Variants in KIFAP3 observed in about 807,000 individuals in gnomAD.
KIFAP3 encodes the protein kinesin-associated protein 3.
KIFAP3 carries 68 observed loss-of-function variants against 106.5 expected under a neutral mutation model. That is an observed-to-expected ratio of 0.64 (90% CI 0.53 to 0.78). KIFAP3 has a LOEUF of 0.78. KIFAP3 is among the 30% of genes least tolerant of loss of function. The pLI is 0.00. For missense variants in KIFAP3, 780 were observed against 941.8 expected (o/e 0.83, Z 2.25); for synonymous variants, 320 against 311.5 (o/e 1.03, Z -0.29).
intron 2 of KIFAP3, among the ~76,000 whole-genome samples, chr1:170,048,655 A>G (rs1054700211): frequency 9.3e-5 from 14 of 151,334 alleles, no homozygotes; most frequent in African/African-American, 3.2e-4. Flanking sequence ...TCTCACTGGG[A>G]CTGGTTAGGC....
chr1:169,983,992 G>A (rs1026765387), intron 12 of KIFAP3, among the ~76,000 whole-genome samples: 1 of 151,606 alleles, frequency 6.6e-6, no homozygotes, highest in Non-Finnish European at 1.5e-5. Flanking sequence ...ATTATTTCAA[G>A]ATATTACTAA....
intron 17 of KIFAP3, among the ~76,000 whole-genome samples, chr1:169,972,118 T>A (rs1288857543): frequency 1.3e-5 from 2 of 151,872 alleles, no homozygotes; most frequent in African/African-American, 4.8e-5. Flanking sequence ...AATAAAACTA[T>A]CAATTAAGTG....
At chr1:170,018,747 T>TG (rs1210064511) in intron 9 of KIFAP3, among the ~76,000 whole-genome samples, 3 of 152,096 alleles carry the variant, frequency 2.0e-5, no homozygotes, top group Admixed American at 6.6e-5. Flanking sequence ...ACTGAGCCCT[T>TG]GATATACTTT....
At chr1:170,049,001 C>T (rs1169354424) in intron 2 of KIFAP3, among the ~76,000 whole-genome samples, 4 of 152,172 alleles carry the variant, frequency 2.6e-5, no homozygotes, top group Non-Finnish European at 4.4e-5. Context: ...GGAAAGGGGG[C>T]GGAAGCCAAG....
At chr1:169,973,143 A>G (rs971789576) in intron 16 of KIFAP3, among the ~76,000 whole-genome samples, 1 of 144,172 alleles carries the variant, frequency 6.9e-6, no homozygotes, top group African/African-American at 2.6e-5. Flanking sequence ...AATCAGGATT[A>G]GAAAACCAAG....
chr1:170,024,307 C>A, intron 9 of KIFAP3, 111 bp downstream of exon 9: 1 of 619,602 alleles, frequency 1.6e-6, no homozygotes, highest in Non-Finnish European at 2.7e-6. Context: ...ATTATAAAAT[C>A]TTTATTCAGA....
chr1:170,048,847 C>G (rs1187791968), intron 2 of KIFAP3, among the ~76,000 whole-genome samples: 1 of 152,114 alleles, frequency 6.6e-6, no homozygotes, highest in Non-Finnish European at 1.5e-5. Flanking sequence ...TCAGGAGAAT[C>G]CTTGGTGAGC....
chr1:169,943,191 C>T (rs545482450), intron 19 of KIFAP3, among the ~76,000 whole-genome samples: 1 of 152,066 alleles, frequency 6.6e-6, no homozygotes, highest in South Asian at 2.1e-4. Context: ...TGTAATAGCA[C>T]ATCTGTAAAG....
At chr1:170,056,177 G>A (rs904029605) in intron 1 of KIFAP3, among the ~76,000 whole-genome samples, 1 of 151,572 alleles carries the variant, frequency 6.6e-6, no homozygotes, top group African/African-American at 2.4e-5. Flanking sequence ...CGAAGAAATT[G>A]TCTATATTAC....
At chr1:169,997,672 A>C (rs555088571) in intron 10 of KIFAP3, among the ~76,000 whole-genome samples, 1 of 152,076 alleles carries the variant, frequency 6.6e-6, no homozygotes, top group Admixed American at 6.6e-5. Context: ...GGAGTTCAAG[A>C]CCAGCCTGGC....
chr1:170,078,108 G>A (rs995996262), upstream of KIFAP3, among the ~76,000 whole-genome samples: 3 of 152,088 alleles, frequency 2.0e-5, no homozygotes, highest in African/African-American at 7.2e-5. Context: ...ATGAATGACT[G>A]TACAAAACCA....
rs531929461 is a variant in KIFAP3 at position 170,027,311 on chromosome 1, C to T, written c.842-2715G>A. Among the ~76,000 whole-genome samples, 34 of 152,112 alleles carry T rather than the reference C, an allele frequency of 2.2e-4. 1 individual carries two copies. In the South Asian group the frequency reaches 5.6e-3, roughly 25 times the overall value. ...CTGGGATTACAGGCATGAACCACCG[C>T]GCCTGACCCTGTCTTGCTTCTAATC... is the stretch of plus-strand genomic sequence containing the variant. On this transcript the variant is annotated intron_variant, in intron 8 of 19. Coordinates refer to ENST00000361580, the MANE Select transcript of KIFAP3 (RefSeq NM_014970.4).
At chr1:169,944,162 GT>G (rs1342221439) in intron 19 of KIFAP3, among the ~76,000 whole-genome samples, 9 of 118,380 alleles carry the variant, frequency 7.6e-5, no homozygotes, top group African/African-American at 1.4e-4. Context: ...CCTGCCAAGG[GT>G]TAGCCAGGTG....
At chr1:170,003,756 C>G (rs1310036894) in intron 10 of KIFAP3, among the ~76,000 whole-genome samples, 1 of 152,212 alleles carries the variant, frequency 6.6e-6, no homozygotes, top group South Asian at 2.1e-4. Context: ...CAATATCATA[C>G]TGAATGGACA....
chr1:169,960,768 A>G (rs1210593268), intron 18 of KIFAP3, among the ~76,000 whole-genome samples: 1 of 152,174 alleles, frequency 6.6e-6, no homozygotes, highest in Non-Finnish European at 1.5e-5. Context: ...GAAGTTGTCC[A>G]TTTAAGTTAC....
chr1:169,973,125 AC>A (rs1199929270), intron 16 of KIFAP3, among the ~76,000 whole-genome samples: 40 of 142,374 alleles, frequency 2.8e-4, no homozygotes, highest in African/African-American at 9.6e-4. Context: ...ATATATATAA[AC>A]AACACAAATC....
intron 1 of KIFAP3, among the ~76,000 whole-genome samples, chr1:170,063,168 A>AT (rs1671272585): frequency 1.3e-5 from 2 of 152,184 alleles, no homozygotes; most frequent in Admixed American, 1.3e-4. Flanking sequence ...ATAACCAGCC[A>AT]TTGTTCCCTA....
intron 6 of KIFAP3, among the ~76,000 whole-genome samples, 176 bp downstream of exon 6, chr1:170,035,274 AAGAT>A (rs987336492): frequency 7.9e-5 from 12 of 152,010 alleles, no homozygotes; most frequent in African/African-American, 2.4e-4. Context: ...GACTAAATGA[AAGAT>A]AGAATAACAG....
chr1:169,935,865 C>A (rs149898847), intron 19 of KIFAP3, among the ~76,000 whole-genome samples: 114 of 151,912 alleles, frequency 7.5e-4, no homozygotes, highest in African/African-American at 2.6e-3. Context: ...ATGACAGAGT[C>A]CCATACTTGT....
Sources: allele counts gnomAD v4.1 joint callset (sites outside exome capture counted in the v4.1 genomes callset), GRCh38; gene constraint gnomAD v4.1.1; transcripts MANE v1.5; gene names NCBI Gene and HGNC (gene_info 2026-07-23, HGNC 2026-07-21).